The following HTR4 variants were observed in gnomAD, a reference collection of about 807,000 sequenced individuals.
HTR4 encodes the protein 5-hydroxytryptamine (serotonin) receptor 4, G protein-coupled.
Under a neutral mutation model 36.8 loss-of-function variants are expected in HTR4, and 16 were observed. That is an observed-to-expected ratio of 0.43 (90% CI 0.29 to 0.66). HTR4 has a LOEUF of 0.66. HTR4 is among the 30% of genes least tolerant of loss of function. HTR4 has a pLI of 0.13. For synonymous variants in HTR4, 189 were observed against 185.1 expected (o/e 1.02, Z -0.17); for missense variants, 438 against 490.9 (o/e 0.89, Z 1.02).
In HTR4 at chr5:148,564,790, T is replaced by C. The variant is rs146086121; in HGVS notation, c.27-14528A>G. On this transcript the variant is annotated intron_variant, in intron 2 of 6. Coordinates refer to ENST00000377888, the MANE Select transcript of HTR4 (RefSeq NM_000870.7). ...TACTTTTAAGTCTATTTTCTAGTCA[T>C]GTCCTGGGCACCGAAGTTGTTATAA... Among the ~76,000 whole-genome samples the C allele has an allele frequency of 2.0e-5, 3 of 152,302 alleles. No individual in the cohort carries two copies. The East Asian group carries it at 5.8e-4, about 29-fold the overall frequency.
intron 6 of HTR4, among the ~76,000 whole-genome samples, chr5:148,493,737 C>T (rs529048875): frequency 1.3e-5 from 2 of 152,162 alleles, no homozygotes; most frequent in South Asian, 2.1e-4. Context: ...TCCTGCCATT[C>T]GAACAAGTTG....
At chr5:148,614,112 T>G (rs2127284601) in intron 2 of HTR4, among the ~76,000 whole-genome samples, 1 of 152,208 alleles carries the variant, frequency 6.6e-6, no homozygotes, top group East Asian at 1.9e-4. Flanking sequence ...CTGCCCAAGG[T>G]AATTTACAGA....
intron 6 of HTR4, chr5:148,490,839 T>TAACA (rs1157941785): frequency 1.8e-6 from 1 of 553,906 alleles, no homozygotes; most frequent in East Asian, 6.8e-5. Context: ...CTGTTTCCTC[T>TAACA]AACAGCCCTT....
At chr5:148,619,310 T>C (rs1293159555) in intron 2 of HTR4, among the ~76,000 whole-genome samples, 1 of 152,174 alleles carries the variant, frequency 6.6e-6, no homozygotes, top group African/African-American at 2.4e-5. Flanking sequence ...TCTAATGAAC[T>C]ACAATTAATG....
At chr5:148,498,000 G>T (rs1026724620) in intron 6 of HTR4, among the ~76,000 whole-genome samples, 1 of 152,120 alleles carries the variant, frequency 6.6e-6, no homozygotes, top group Admixed American at 6.5e-5. Context: ...GACACTTCTT[G>T]TCCAACAGAA....
At chr5:148,510,680 C>G (rs1158694741) in intron 5 of HTR4, among the ~76,000 whole-genome samples, 3 of 152,160 alleles carry the variant, frequency 2.0e-5, no homozygotes, top group Non-Finnish European at 4.4e-5. Context: ...ATTTGAGAAC[C>G]ATTGCTCTAT....
chr5:148,594,717 A>T (rs1761705382), intron 2 of HTR4, among the ~76,000 whole-genome samples: 1 of 152,144 alleles, frequency 6.6e-6, no homozygotes, highest in African/African-American at 2.4e-5. Flanking sequence ...CAAATGAAAA[A>T]CTGGAAGCCC....
At chr5:148,487,786 C>A (rs904792173) in intron 6 of HTR4, among the ~76,000 whole-genome samples, 1 of 149,838 alleles carries the variant, frequency 6.7e-6, no homozygotes, top group African/African-American at 2.5e-5. Context: ...TAGAGATAGG[C>A]AGTAGAGAGA....
chr5:148,616,915 G>A (rs1325035068), intron 2 of HTR4, among the ~76,000 whole-genome samples: 1 of 152,162 alleles, frequency 6.6e-6, no homozygotes, highest in African/African-American at 2.4e-5. Context: ...CAGGGTAAAT[G>A]ATCAGCTATT....
chr5:148,583,195 T>G (rs1361234861), intron 2 of HTR4, among the ~76,000 whole-genome samples: 2 of 151,906 alleles, frequency 1.3e-5, no homozygotes, highest in East Asian at 3.9e-4. Context: ...GAGATAATCA[T>G]GTGGTTTTTG....
Position 148,451,823 on chromosome 5 carries a change from T to C in HTR4, c.1077-551A>G, listed in dbSNP as rs572845937. Among the ~76,000 whole-genome samples, 4 of 152,326 alleles carry C rather than the reference T, an allele frequency of 2.6e-5. No individual in the cohort carries two copies. The East Asian group carries it at 7.7e-4, about 29-fold the overall frequency. ...TAAGCATCACAGTGAAATTTACTACTTGACAAGTGTTTATTATTTTTCTGC... is the reference window on the plus strand; with the variant it reads ...TAAGCATCACAGTGAAATTTACTACCTGACAAGTGTTTATTATTTTTCTGC... On this transcript the variant is annotated intron_variant, in intron 5 of 5. Transcript: ENST00000521530.
At chr5:148,634,430 T>C (rs1213135641) in intron 2 of HTR4, among the ~76,000 whole-genome samples, 6 of 152,206 alleles carry the variant, frequency 3.9e-5, no homozygotes, top group African/African-American at 1.4e-4. Context: ...TTTATGACCT[T>C]GAACAAGTTA....
downstream of HTR4, among the ~76,000 whole-genome samples, chr5:148,478,684 A>G (rs1483351235): frequency 1.3e-5 from 2 of 152,012 alleles, no homozygotes; most frequent in Admixed American, 6.6e-5. Context: ...GGAGATCCAG[A>G]CCTACCTATT....
rs2113797311 is a variant in HTR4 at position 148,523,298 on chromosome 5, G to A, written c.402C>T (p.Thr134=). The A allele has an allele frequency of 1.2e-6, 2 of 1,613,130 alleles. No individual in the cohort carries two copies. The highest frequency in any genetic ancestry group is 1.7e-5 in the Admixed American group (1 of 59,820). Residue 134 remains threonine, a synonymous_variant, in exon 5 of 7, where the codon ACC becomes ACT. Transcript: ENST00000377888. ...CQPLVYRNKM[T]PLRIALMLGG... ...CCAGCATTAATGCGATGCGCAGAGG[G>A]GTCATCTTGTTCCTATAGACCAAAG...
chr5:148,595,669 A>T (rs535455582), intron 2 of HTR4, among the ~76,000 whole-genome samples: 1 of 152,328 alleles, frequency 6.6e-6, no homozygotes, highest in East Asian at 1.9e-4. Context: ...ATTGACCATT[A>T]TATGCAAATC....
chr5:148,590,799 G>A (rs1162743667), intron 2 of HTR4, among the ~76,000 whole-genome samples: 2 of 146,280 alleles, frequency 1.4e-5, no homozygotes, highest in Non-Finnish European at 3.0e-5. Flanking sequence ...TCTGTGTATA[G>A]TTTTTTTTTT....
intron 6 of HTR4, among the ~76,000 whole-genome samples, chr5:148,485,682 G>A (rs559421513): frequency 6.6e-6 from 1 of 152,196 alleles, no homozygotes; most frequent in South Asian, 2.1e-4. Flanking sequence ...GAACTAGGGA[G>A]ACTAGGTGTA....
At chr5:148,471,115 T>C (rs1325263259) in intron 5 of HTR4, among the ~76,000 whole-genome samples, 2 of 152,212 alleles carry the variant, frequency 1.3e-5, no homozygotes, top group African/African-American at 4.8e-5. Context: ...CTTTCAAAAA[T>C]TGTGTCAACC....
chr5:148,638,578 T>G (rs1481966731), intron 1 of HTR4, among the ~76,000 whole-genome samples: 1 of 152,120 alleles, frequency 6.6e-6, no homozygotes, highest in East Asian at 1.9e-4. Flanking sequence ...CATCTCAAGA[T>G]GGATGATTAA....
Sources: gnomAD v4.1 joint callset for allele counts (sites outside exome capture counted in the v4.1 genomes callset) on GRCh38, gnomAD v4.1.1 for gene constraint, MANE v1.5 for transcripts, NCBI Gene and HGNC (gene_info 2026-07-23, HGNC 2026-07-21) for gene names.